Variants in REV3L observed in about 807,000 individuals in gnomAD.
REV3L encodes REV3 like, DNA directed polymerase zeta catalytic subunit.
In REV3L, 69 loss-of-function variants were observed where a neutral mutation model predicts 299.4. The ratio of observed to expected loss-of-function variants is 0.23; its 90% confidence interval spans 0.19 to 0.28. The LOEUF (loss-of-function observed/expected upper bound fraction) is 0.28. REV3L is among the 10% of genes least tolerant of loss of function. REV3L has a pLI of 1.00. For synonymous variants in REV3L, 1,238 were observed against 1,271.4 expected (o/e 0.97, Z 0.56); for missense variants, 3,128 against 3,693.8 (o/e 0.85, Z 3.97).
rs545425835 is a variant in REV3L, at chr6:111,390,549, A to G, written c.663-369T>C. ...TAAAAAACCATACACATATGAAATC[A>G]GTTGCCTAGAGACATCTTTTTCAGT... On this transcript the variant is annotated intron_variant, in intron 5 of 31. Coordinates refer to ENST00000368802, the MANE Select transcript of REV3L (RefSeq NM_001372078.1). 7.9e-5 allele frequency among the ~76,000 whole-genome samples: 12 copies of G among 152,280 alleles called. No homozygotes were observed. The South Asian group carries it at 1.9e-3, about 24-fold the overall frequency.
At position 111,374,707 on chromosome 6, in the gene REV3L, C is replaced by A. The variant is rs140748880; in HGVS notation, c.3648G>T (p.Glu1216Asp). 1.2e-6 allele frequency: 2 copies of A among 1,613,090 alleles called. No individual in the cohort carries two copies. Among genetic ancestry groups the A allele is most frequent in the Non-Finnish European group, 1.7e-6 (2 of 1,179,832 alleles). Reference sequence around the variant, plus strand: ...TTGTATGCTTTCTCGATGTACCTTTCTCATTTGTTTTTTGTTTTGCTCTTG... The same window carrying A: ...TTGTATGCTTTCTCGATGTACCTTTATCATTTGTTTTTTGTTTTGCTCTTG... ...KKPRAKQKTN[E>D]KGTSRKHTTL... Residue 1216 changes from glutamate (E) to aspartate (D), a missense_variant, in exon 13 of 32, where the codon GAG (glutamate) becomes GAT (aspartate). Transcript: ENST00000368802.
chr6:111,374,690 T>C lies in REV3L; in HGVS notation c.3665A>G (p.Lys1222Arg). 1 of 1,613,506 alleles carries C rather than the reference T, an allele frequency of 6.2e-7. No individual in the cohort carries two copies. The highest frequency in any genetic ancestry group is 1.1e-5 in the South Asian group (1 of 91,048). ...QKTNEKGTSR[K>R]HTTLKDEKIK... ...TTTTTCATCCTTAAGTGTTGTATGC[T>C]TTCTCGATGTACCTTTCTCATTTGT... The change falls in exon 13 of 32, where the codon AAG becomes AGG. Residue 1222 changes from lysine (K) to arginine (R), a missense_variant. This residue lies in a region of REV3L where 2,409 missense variants were observed against 2,611.8 expected (regional missense o/e 0.92). Transcript: ENST00000368802.
At position 111,381,610 on chromosome 6, in the gene REV3L, T is replaced by C. The variant is rs146017439; in HGVS notation, c.1097-166A>G. 7.2e-5 allele frequency among the ~76,000 whole-genome samples: 11 copies of C among 152,312 alleles called. No homozygotes were observed. The East Asian group carries it at 1.5e-3, about 21-fold the overall frequency. ...AACATAATAAAAAGCCACAGAAATA[T>C]TTAACCAGTCACATGGATTTATCAA... On this transcript the variant is annotated intron_variant, in intron 9 of 31. Coordinates refer to ENST00000368802, the MANE Select transcript of REV3L (RefSeq NM_001372078.1).
rs1395747833 is a variant in REV3L, at chr6:111,367,829, C to G, written c.5959G>C (p.Val1987Leu). ...ATAATCACAATTTTTTTATCTTCAA[C>G]CATCTTAGGGCTATTACTTGACCCT... ...NKGSSNSPKM[V>L]EDKKIVIMPC... Residue 1987 changes from valine (V) to leucine (L), a missense_variant, in exon 14 of 32, where the codon GTT becomes CTT. Val to Leu is a conservative substitution (Grantham distance 32). Around this residue, in one of 9 missense-constraint regions of REV3L, gnomAD observed 2,409 missense variants for 2,611.8 expected, o/e 0.92. Coordinates refer to ENST00000368802, the MANE Select transcript of REV3L (RefSeq NM_001372078.1). The G allele has an allele frequency of 1.2e-6, 2 of 1,614,050 alleles. No homozygotes were observed. The highest frequency in any genetic ancestry group is 1.7e-6 in the Non-Finnish European group (2 of 1,179,958).
rs1192850725 is a variant in REV3L at position 111,322,676 on chromosome 6, A to G, written c.8244T>C (p.Val2748=). The G allele has an allele frequency of 1.1e-5, 18 of 1,612,972 alleles. No homozygotes were observed. Among genetic ancestry groups the G allele is most frequent in the Non-Finnish European group, 1.5e-5 (18 of 1,179,058 alleles). ...TGGCTTTGTGAACAATACTATCGCC[A>G]ACCTGTTGGTACAAACACATTGGAA... ...NFSGRMPCIE[V]GDSIVHKARE... The change falls in exon 26 of 32, where the codon GTT becomes GTC. Residue 2748 remains valine (V), a splice_region_variant and synonymous_variant. Coordinates refer to ENST00000368802, the MANE Select transcript of REV3L (RefSeq NM_001372078.1).
intron 5 of REV3L, among the ~76,000 whole-genome samples, chr6:111,390,799 CA>C (rs777531662): frequency 4.6e-5 from 7 of 152,128 alleles, no homozygotes; most frequent in Non-Finnish European, 8.8e-5. Flanking sequence ...ATGAGAACTA[CA>C]AAGGATTGTT....
chr6:111,358,853 C>T lies in REV3L; in HGVS notation c.7041G>A (p.Val2347=), dbSNP rs1197651738. 1.1e-5 allele frequency: 17 copies of T among 1,610,644 alleles called. No individual in the cohort carries two copies. The highest frequency in any genetic ancestry group is 1.4e-5 in the Non-Finnish European group (17 of 1,178,044). ...TGAAAACTGTCTTGTCTTTATCAATCACTATTACACCTGTGAGTTCTGTTT... is the reference window on the plus strand; with the variant it reads ...TGAAAACTGTCTTGTCTTTATCAATTACTATTACACCTGTGAGTTCTGTTT... ...TEKTELTGVI[V]IDKDKTVFSQ... Residue 2347 remains valine, a synonymous_variant, in exon 17 of 32, where the codon GTG becomes GTA. Transcript: ENST00000368802.
intron 1 of REV3L, among the ~76,000 whole-genome samples, chr6:111,469,491 T>C (rs888853702): frequency 1.3e-5 from 2 of 152,178 alleles, no homozygotes. Flanking sequence ...ATTGTTGTAG[T>C]AATGGCCCCC....
intron 16 of REV3L, among the ~76,000 whole-genome samples, chr6:111,360,949 A>G (rs1369287883): frequency 6.6e-6 from 1 of 152,278 alleles, no homozygotes; most frequent in South Asian, 2.1e-4. Context: ...AAGGGAAAAA[A>G]CTTTTACTTT....
rs1176426915 is a variant in REV3L at position 111,472,163 on chromosome 6, C to CA, written c.139+10586dup. The CA allele has an allele frequency of 3.2e-6, 4 of 1,260,220 alleles. No individual in the cohort carries two copies. The Admixed American group carries it at 1.1e-4, about 35-fold the overall frequency. The allele number at this position is 1,260,220 out of a possible 1,614,324, so 78.1% of individuals were successfully genotyped here. On this transcript the variant is annotated intron_variant, in intron 1 of 31. Coordinates refer to ENST00000368802, the MANE Select transcript of REV3L (RefSeq NM_001372078.1). ...ATTCTGAAATGAAATTTAGATTAGT[C>CA]ATTTTCTTGTTCTGAGAAACTGCGA...
chr6:111,483,504 TG>T (rs1473776680), upstream of REV3L: 13 of 496,552 alleles, frequency 2.6e-5, no homozygotes, highest in African/African-American at 2.6e-4. Context: ...ATCTCATGGA[TG>T]GGCTCCGAGG....
In REV3L at chr6:111,376,361, T is replaced by C. The variant is rs771843121; in HGVS notation, c.1994A>G (p.Asp665Gly). ...TACTTGTCTTGTAACAGATGGAATA[T>C]CTTCTTCATAATCAAAAATACTACT... ...CESSIFDYEE[D>G]IPSVTRQVPS... Residue 665 changes from aspartate (D) to glycine (G), a missense_variant, in exon 13 of 32, where the codon GAT becomes GGT. Physicochemically the swap from Asp to Gly is moderately conservative, Grantham distance 94 (BLOSUM62 -1). Transcript: ENST00000368802. The C allele has an allele frequency of 6.2e-7, 1 of 1,612,512 alleles. No homozygotes were observed. The highest frequency in any genetic ancestry group is 1.1e-5 in the South Asian group (1 of 90,536).
At chr6:111,324,677 A>G (rs1476190638) in intron 25 of REV3L, among the ~76,000 whole-genome samples, 1 of 152,220 alleles carries the variant, frequency 6.6e-6, no homozygotes, top group Non-Finnish European at 1.5e-5. Flanking sequence ...AATAAGAAGA[A>G]TTCAGCAGCA....
intron 25 of REV3L, among the ~76,000 whole-genome samples, chr6:111,328,431 C>CTA (rs1775058974): frequency 6.6e-6 from 1 of 152,122 alleles, no homozygotes; most frequent in Admixed American, 6.5e-5. Flanking sequence ...GCCAACATAA[C>CTA]TATAATCAGA....
chr6:111,390,285 CCTGATATAT>C (rs1781787992), intron 5 of REV3L, 105 bp from the exon 6 acceptor site: 1 of 674,666 alleles, frequency 1.5e-6, no homozygotes, highest in Admixed American at 2.5e-5. Context: ...ACCCAGAAAA[CCTGATATAT>C]TAATTCACAA....
At position 111,357,175 on chromosome 6, in the gene REV3L, A is replaced by G. The variant is rs1041057957; in HGVS notation, c.7073-50T>C. On this transcript the variant is annotated intron_variant, in intron 17 of 31. Transcript: ENST00000368802. ...TATATATAACATTATATAATAATAT[A>G]CCTTCATAATATAAAAGTAATATTA... 4.8e-6 allele frequency: 3 copies of G among 627,394 alleles called. No homozygotes were observed. In the African/African-American group the frequency reaches 5.8e-5, roughly 12 times the overall value. The allele number at this position is 627,394 out of a possible 1,614,324, so 38.9% of individuals were successfully genotyped here.
chr6:111,452,465 T>A (rs529167144), intron 1 of REV3L, among the ~76,000 whole-genome samples: 1 of 152,296 alleles, frequency 6.6e-6, no homozygotes, highest in East Asian at 1.9e-4. Context: ...GAATGGTATA[T>A]CCATATAATG....
intron 30 of REV3L, among the ~76,000 whole-genome samples, chr6:111,308,855 C>T (rs1165424642): frequency 1.3e-5 from 2 of 152,224 alleles, no homozygotes; most frequent in Non-Finnish European, 2.9e-5. Flanking sequence ...ATACTTAAAA[C>T]GTTTATCTTT....
At chr6:111,442,707 T>C (rs1466292951) in intron 1 of REV3L, among the ~76,000 whole-genome samples, 9 of 152,234 alleles carry the variant, frequency 5.9e-5, no homozygotes, top group Admixed American at 4.6e-4. Flanking sequence ...CCTGCTCTCT[T>C]TTGGCCTGAA....
Sources: allele counts gnomAD v4.1 joint callset (sites outside exome capture counted in the v4.1 genomes callset), GRCh38; gene constraint gnomAD v4.1.1; regional missense constraint gnomAD v4.1.1; transcripts MANE v1.5; gene names NCBI Gene and HGNC (gene_info 2026-07-23, HGNC 2026-07-21).